The following NAA15 variants were observed in gnomAD, a reference collection of about 807,000 sequenced individuals.
NAA15 encodes N-terminal acetyltransferase.
NAA15 carries 34 observed loss-of-function variants against 114.0 expected under a neutral mutation model. That is an observed-to-expected ratio of 0.30 (90% CI 0.23 to 0.40). NAA15 has a LOEUF of 0.40. Among genes scored for constraint, NAA15 ranks in the 10% least tolerant of loss-of-function variants. The pLI, the probability that NAA15 is intolerant of heterozygous loss-of-function variation, is 1.00. For missense variants in NAA15, 658 were observed against 1,004.5 expected (o/e 0.66, Z 4.66); for synonymous variants, 340 against 338.0 (o/e 1.01, Z -0.06).
intron 1 of NAA15, among the ~76,000 whole-genome samples, chr4:139,328,750 T>C (rs1746892878): frequency 6.6e-6 from 1 of 151,600 alleles, no homozygotes; most frequent in South Asian, 2.1e-4. Context: ...GTAATATTAG[T>C]AGAGATGGGG....
Position 139,344,203 on chromosome 4 carries a change from G to A in NAA15, c.555G>A (p.Val185=), listed in dbSNP as rs751828915. The change falls in exon 6 of 20, where the codon GTG becomes GTA. Residue 185 remains valine (V), a synonymous_variant. Transcript: ENST00000296543. ...ATATACAGACATCCCCTGACAAGGTGGATTATGAATATAGTGAACTACTCT... is the reference window on the plus strand; with the variant it reads ...ATATACAGACATCCCCTGACAAGGTAGATTATGAATATAGTGAACTACTCT... ...RKTQQTSPDK[V]DYEYSELLLY... is the part of the protein sequence containing the mutation. 6.2e-7 allele frequency: 1 copy of A among 1,609,416 alleles called. No individual in the cohort carries two copies. The highest frequency in any genetic ancestry group is 8.5e-7 in the Non-Finnish European group (1 of 1,177,900).
At chr4:139,351,040 T>G in intron 7 of NAA15, 151 bp from the exon 8 acceptor site, 1 of 448,544 alleles carries the variant, frequency 2.2e-6, no homozygotes, top group East Asian at 3.4e-5. Flanking sequence ...TAGTCTAAAA[T>G]AATTGTTGAA....
chr4:139,365,537 A>G (rs912367661), intron 14 of NAA15, among the ~76,000 whole-genome samples: 4 of 152,020 alleles, frequency 2.6e-5, no homozygotes, highest in African/African-American at 4.8e-5. Flanking sequence ...ATCAAATGAA[A>G]TACAATGTAT....
In NAA15 at chr4:139,386,159, CCTT is replaced by C; in HGVS notation, c.2332_2334del (p.Ser779del). 6.2e-7 allele frequency: 1 copy of C among 1,605,958 alleles called. No individual in the cohort carries two copies. Among genetic ancestry groups the C allele is most frequent in the Non-Finnish European group, 8.5e-7 (1 of 1,175,842 alleles). ...TGCCAAAATGGTATATTACTTAGAT[CCTT>C]CTAGTCAGAAGCGAGCTATAGAGTT... On this transcript the variant is annotated inframe_deletion, in exon 19 of 20. Coordinates refer to ENST00000296543, the MANE Select transcript of NAA15 (RefSeq NM_057175.5).
At chr4:139,331,950 C>A (rs759689499) in intron 1 of NAA15, among the ~76,000 whole-genome samples, 6 of 152,066 alleles carry the variant, frequency 3.9e-5, no homozygotes, top group Non-Finnish European at 8.8e-5. Flanking sequence ...TCGTTTCCTG[C>A]AAATGTGCCT....
Position 139,351,506 on chromosome 4 carries a change from T to A in NAA15, c.909T>A (p.Gly303=), listed in dbSNP as rs750324671. The change falls in exon 9 of 20, where the codon GGT becomes GGA. Residue 303 remains glycine (G), a splice_region_variant and synonymous_variant. Coordinates refer to ENST00000296543, the MANE Select transcript of NAA15 (RefSeq NM_057175.5). ...PRRLPLNFLS[G]EKFKECLDKF... ...CGAAAAGGATTTTTCTCTTCCAAGG[T>A]GAGAAGTTTAAAGAATGTTTGGATA... The A allele has an allele frequency of 1.3e-6, 2 of 1,566,824 alleles. No homozygotes were observed. The highest frequency in any genetic ancestry group is 3.4e-5 in the Admixed American group (2 of 59,432).
chr4:139,344,089 T>A, intron 5 of NAA15, 97 bp from the exon 6 acceptor site: 1 of 1,094,158 alleles, frequency 9.1e-7, no homozygotes, highest in Non-Finnish European at 1.3e-6. Flanking sequence ...AACCGGATGT[T>A]ATCCTTTGAC....
Position 139,342,891 on chromosome 4 carries a change from T to A in NAA15, c.468T>A (p.Ile156=), listed in dbSNP as rs1560966119. 5 of 1,612,646 alleles carry A rather than the reference T, an allele frequency of 3.1e-6. No individual in the cohort carries two copies. Among genetic ancestry groups the A allele is most frequent in the Non-Finnish European group, 4.2e-6 (5 of 1,178,642 alleles). The change falls in exon 5 of 20, where the codon ATT becomes ATA. Residue 156 remains isoleucine, a synonymous_variant. Transcript: ENST00000296543. The part of the protein sequence containing the change: ...AQRASWIGYA[I]AYHLLEDYEM... ...GAGCATCATGGATTGGTTATGCTAT[T>A]GCTTACCATTTATTAGAAGATTATG... is the stretch of plus-strand genomic sequence containing the variant.
chr4:139,345,838 G>A (rs1003927715), intron 6 of NAA15, among the ~76,000 whole-genome samples: 4 of 152,006 alleles, frequency 2.6e-5, no homozygotes, highest in East Asian at 1.9e-4. Flanking sequence ...GGAGAACGGC[G>A]TGAACCTGGG....
intron 16 of NAA15, among the ~76,000 whole-genome samples, chr4:139,378,430 G>A (rs1022812641): frequency 1.3e-5 from 2 of 152,204 alleles, no homozygotes; most frequent in East Asian, 1.9e-4. Flanking sequence ...AATTTTCTAA[G>A]TAGTGGGAAA....
intron 1 of NAA15, among the ~76,000 whole-genome samples, chr4:139,303,028 A>G (rs1456768078): frequency 2.0e-5 from 3 of 152,268 alleles, no homozygotes; most frequent in Non-Finnish European, 4.4e-5. Context: ...TTTGAAAAGT[A>G]GAACAACTCT....
intron 19 of NAA15, among the ~76,000 whole-genome samples, chr4:139,387,667 T>C (rs889581257): frequency 3.9e-5 from 6 of 152,258 alleles, no homozygotes; most frequent in African/African-American, 1.4e-4. Context: ...TCTGCAGTCA[T>C]CCCTGTTTAG....
chr4:139,301,694 A>C lies in NAA15; in HGVS notation c.-84A>C. The C allele has an allele frequency of 6.8e-7, 1 of 1,472,512 alleles. No homozygotes were observed. Among genetic ancestry groups the C allele is most frequent in the Non-Finnish European group, 9.2e-7 (1 of 1,085,126 alleles). The allele number at this position is 1,472,512 out of a possible 1,614,324, so 91.2% of individuals were successfully genotyped here. ...GGATCGAGATATTCAAGGCTGAAGC[A>C]GCTACGGAACGGCAGCGGCGGCGGT... On this transcript the variant is annotated 5_prime_UTR_variant, in exon 1 of 20. Coordinates refer to ENST00000296543, the MANE Select transcript of NAA15 (RefSeq NM_057175.5).
At chr4:139,323,483 C>T (rs1251383406) in intron 1 of NAA15, among the ~76,000 whole-genome samples, 4 of 152,218 alleles carry the variant, frequency 2.6e-5, no homozygotes, top group East Asian at 3.9e-4. Flanking sequence ...CGTGAGCCAC[C>T]GTGTCCAACT....
In NAA15 at chr4:139,378,848, A is replaced by C. The variant is rs201012461; in HGVS notation, c.2149A>C (p.Asn717His). Residue 717 changes from asparagine (N) to histidine (H), a missense_variant, in exon 17 of 20, where the codon AAT becomes CAT. Coordinates refer to ENST00000296543, the MANE Select transcript of NAA15 (RefSeq NM_057175.5). ...TCATGAGTGTATGATTCGTCTCTTTAATACTGGTATGTTTTTGTTTTCCAT... is the reference window on the plus strand; with the variant it reads ...TCATGAGTGTATGATTCGTCTCTTTCATACTGGTATGTTTTTGTTTTCCAT... ...WLHECMIRLFNTAVCESKDLS... is the reference protein window; with the variant it reads ...WLHECMIRLFHTAVCESKDLS... 5.1e-4 allele frequency: 796 copies of C among 1,547,472 alleles called. 20 individuals are homozygous for C. The South Asian group carries it at 8.0e-3, about 15-fold the overall frequency.
chr4:139,390,643 G>A lies in NAA15; in HGVS notation c.*2559G>A, dbSNP rs981434151. On this transcript the variant is annotated 3_prime_UTR_variant, in exon 20 of 20. Transcript: ENST00000296543. ...TTCTTTTTGTTTTTCTTTATATTCA[G>A]CTACTCTTGTCATTTCTCGTTGAAA... 1.3e-5 allele frequency: 2 copies of A among 152,534 alleles called. No individual in the cohort carries two copies. The highest frequency in any genetic ancestry group is 4.8e-5 in the African/African-American group (2 of 41,436). The allele number at this position is 152,534 out of a possible 1,614,324, so 9.4% of individuals were successfully genotyped here. A position where few individuals can be genotyped will look rare whatever the true frequency, so the allele number is the denominator to read the frequency against.
chr4:139,303,612 C>A lies in NAA15; in HGVS notation c.54+1781C>A, dbSNP rs574238962. Among the ~76,000 whole-genome samples, 23 of 152,226 alleles carry A rather than the reference C, an allele frequency of 1.5e-4. No individual in the cohort carries two copies. In the South Asian group the frequency reaches 4.1e-3, roughly 27 times the overall value. ...AGGAGTTCGAGACCAGGCTGGCCAA[C>A]GTAGTGAAATCCTGTCTCTACTGAA... On this transcript the variant is annotated intron_variant, in intron 1 of 19. Coordinates refer to ENST00000296543, the MANE Select transcript of NAA15 (RefSeq NM_057175.5).
At chr4:139,319,183 G>T (rs936490713) in intron 1 of NAA15, among the ~76,000 whole-genome samples, 3 of 152,046 alleles carry the variant, frequency 2.0e-5, no homozygotes, top group Non-Finnish European at 2.9e-5. Context: ...AATCCTAGCT[G>T]TTCAGGAGGC....
At chr4:139,327,473 C>T (rs1221618194) in intron 1 of NAA15, among the ~76,000 whole-genome samples, 9 of 151,490 alleles carry the variant, frequency 5.9e-5, no homozygotes, top group East Asian at 3.9e-4. Context: ...AGGTTGGTCT[C>T]GAACTCTTGA....
Sources: gnomAD v4.1 joint callset for allele counts (sites outside exome capture counted in the v4.1 genomes callset) on GRCh38, gnomAD v4.1.1 for gene constraint, MANE v1.5 for transcripts, NCBI Gene and HGNC (gene_info 2026-07-23, HGNC 2026-07-21) for gene names.